CFAP20: variants seen among roughly 807,000 people sequenced by gnomAD.
CFAP20 encodes cilia- and flagella-associated protein 20.
A neutral mutation model predicts 25.5 loss-of-function variants in CFAP20; 14 were observed. The ratio of observed to expected loss-of-function variants is 0.55; its 90% CI spans 0.36 to 0.86. CFAP20 has a LOEUF of 0.86. CFAP20 is among the 40% of genes least tolerant of loss of function. The pLI is 0.01. For missense variants in CFAP20, 181 were observed against 248.0 expected (o/e 0.73, Z 1.81); for synonymous variants, 75 against 91.1 (o/e 0.82, Z 1.01).
chr16:58,121,511 C>CA (rs199855400), intron 1 of CFAP20, among the ~76,000 whole-genome samples: 231 of 151,770 alleles, frequency 1.5e-3, no homozygotes, highest in Non-Finnish European at 2.8e-3. Flanking sequence ...CTTTATTCCT[C>CA]AAAAAAAATA....
chr16:58,122,951 G>A (rs1012383249), intron 1 of CFAP20, among the ~76,000 whole-genome samples: 6 of 152,084 alleles, frequency 3.9e-5, no homozygotes, highest in Non-Finnish European at 8.8e-5. Flanking sequence ...AGACAAAGGC[G>A]TTTTCATGAA....
At position 58,121,804 on chromosome 16, in the gene CFAP20, A is replaced by G. The variant is rs560884815; in HGVS notation, c.85-4853T>C. On this transcript the variant is annotated intron_variant, in intron 1 of 5. Transcript: ENST00000262498. ...TCAGGGAGGTGGGTCAAGCTGAGGG[A>G]AAAAAAAAATACTACTACTGGGATA... 6.0e-5 allele frequency among the ~76,000 whole-genome samples: 9 copies of G among 150,032 alleles called. No homozygotes were observed. The South Asian group carries it at 1.1e-3, about 18-fold the overall frequency.
At chr16:58,125,310 T>C (rs955753582) in intron 1 of CFAP20, among the ~76,000 whole-genome samples, 14 of 152,250 alleles carry the variant, frequency 9.2e-5, no homozygotes, top group Non-Finnish European at 1.9e-4. Flanking sequence ...TGCCTTCTTC[T>C]GAAATATCTC....
chr16:58,128,936 G>T lies in CFAP20; in HGVS notation c.84+96C>A. 6.4e-6 allele frequency: 8 copies of T among 1,244,704 alleles called. No homozygotes were observed. The South Asian group carries it at 1.0e-4, about 16-fold the overall frequency. The allele number at this position is 1,244,704 out of a possible 1,614,324, so 77.1% of individuals were successfully genotyped here. A position where few individuals can be genotyped will look rare whatever the true frequency, so the allele number is the denominator to read the frequency against. ...AGCAGCGTCCTCTCGGCCTCTCCCA[G>T]GCCCCAATTCGACACAACCATTCCC... On this transcript the variant is annotated intron_variant, in intron 1 of 5. Coordinates refer to ENST00000262498, the MANE Select transcript of CFAP20 (RefSeq NM_013242.3).
Position 58,128,902 on chromosome 16 carries a change from A to G in CFAP20, c.84+130T>C, listed in dbSNP as rs991463517. Reference sequence around the variant, plus strand: ...GCGCCCCAGTCCCGCCAGGCTGGGGACAAGGCACAGCAGCGTCCTCTCGGC... The same window carrying G: ...GCGCCCCAGTCCCGCCAGGCTGGGGGCAAGGCACAGCAGCGTCCTCTCGGC... On this transcript the variant is annotated intron_variant, in intron 1 of 5. Transcript: ENST00000262498. 3.3e-5 allele frequency: 22 copies of G among 669,458 alleles called. No individual in the cohort carries two copies. The African/African-American group carries it at 3.8e-4, about 12-fold the overall frequency. 41.5% of individuals were successfully genotyped at this position (669,458 alleles called of 1,614,324 possible).
At chr16:58,122,319 G>A (rs971494092) in intron 1 of CFAP20, among the ~76,000 whole-genome samples, 1 of 152,316 alleles carries the variant, frequency 6.6e-6, no homozygotes. Flanking sequence ...GGTGGCTCAC[G>A]CCTGTAATCC....
chr16:58,121,691 G>GAGAGA (rs1960537323), intron 1 of CFAP20, among the ~76,000 whole-genome samples: 1 of 152,092 alleles, frequency 6.6e-6, no homozygotes, highest in South Asian at 2.1e-4. Context: ...CTTCAGGCCA[G>GAGAGA]TCTTACAATC....
chr16:58,126,330 C>T (rs1960610047), intron 1 of CFAP20, among the ~76,000 whole-genome samples: 1 of 152,172 alleles, frequency 6.6e-6, no homozygotes, highest in Non-Finnish European at 1.5e-5. Flanking sequence ...GGGCTGTGAG[C>T]TTCAGAGAGT....
intron 1 of CFAP20, among the ~76,000 whole-genome samples, chr16:58,126,508 TTCTC>T (rs1258014064): frequency 2.0e-5 from 3 of 151,958 alleles, no homozygotes; most frequent in Non-Finnish European, 4.4e-5. Flanking sequence ...CGAACAGAAA[TTCTC>T]TCTATATATA....
chr16:58,120,850 C>A (rs1181235283), intron 1 of CFAP20, among the ~76,000 whole-genome samples: 2 of 152,186 alleles, frequency 1.3e-5, no homozygotes, highest in Non-Finnish European at 2.9e-5. Context: ...GGTGGTAAGA[C>A]AAACTAAACA....
intron 1 of CFAP20, among the ~76,000 whole-genome samples, chr16:58,126,517 T>C (rs1219895301): frequency 6.6e-6 from 1 of 152,174 alleles, no homozygotes; most frequent in East Asian, 1.9e-4. Context: ...ATTCTCTCTA[T>C]ATATACTCAT....
At chr16:58,117,095 A>G (rs1960467631) in intron 1 of CFAP20, 144 bp from the exon 2 acceptor site, 5 of 671,250 alleles carry the variant, frequency 7.4e-6, no homozygotes, top group Admixed American at 5.2e-5. Flanking sequence ...AAGCCAAGCT[A>G]TTACCTCTAG....
At position 58,114,814 on chromosome 16, in the gene CFAP20, G is replaced by C; in HGVS notation, c.572C>G (p.Ala191Gly). 6.2e-7 allele frequency: 1 copy of C among 1,611,332 alleles called. No individual in the cohort carries two copies. The highest frequency in any genetic ancestry group is 8.5e-7 in the Non-Finnish European group (1 of 1,177,472). ...FKLYLPVQNKAKQ is the reference protein window; with the variant it reads ...FKLYLPVQNKGKQ ...CTCTGGGGAAGACTGGCTTACCTTTGCCTTGTTCTGAACTGGGAGATACAG... is the reference window on the plus strand; with the variant it reads ...CTCTGGGGAAGACTGGCTTACCTTTCCCTTGTTCTGAACTGGGAGATACAG... Residue 191 changes from alanine (A) to glycine (G), a missense_variant, in exon 5 of 6, where the codon GCA becomes GGA. By Grantham distance (60) the Ala-to-Gly change is moderately conservative. Transcript: ENST00000262498.
chr16:58,120,605 T>C (rs893912531), intron 1 of CFAP20, among the ~76,000 whole-genome samples: 1 of 152,258 alleles, frequency 6.6e-6, no homozygotes, highest in Non-Finnish European at 1.5e-5. Flanking sequence ...GGAAGCTGGA[T>C]AGACTGTAGT....
intron 1 of CFAP20, among the ~76,000 whole-genome samples, chr16:58,126,354 G>A (rs181001343): frequency 2.0e-5 from 3 of 152,232 alleles, no homozygotes; most frequent in Non-Finnish European, 2.9e-5. Context: ...ATAAATTGCC[G>A]GTGTGACAAA....
At position 58,129,155 on chromosome 16, in the gene CFAP20, C is replaced by G. The variant is rs1432556915; in HGVS notation, c.-40G>C. 2 of 1,606,868 alleles carry G rather than the reference C, an allele frequency of 1.2e-6. No homozygotes were observed. The highest frequency in any genetic ancestry group is 2.2e-5 in the South Asian group (2 of 90,654). The stretch of plus-strand genomic sequence containing the variant: ...TCTCCTAAGCCGCCCCCGGAGCCGA[C>G]CTAGGCCCCGGAGTAGATACAGGCA... On this transcript the variant is annotated 5_prime_UTR_variant, in exon 1 of 6. Transcript: ENST00000262498.
chr16:58,116,724 G>C (rs887058393), intron 2 of CFAP20, 148 bp downstream of exon 2: 1 of 646,620 alleles, frequency 1.5e-6, no homozygotes, highest in African/African-American at 1.8e-5. Context: ...AGGTCTGGGG[G>C]ATTCAGTAAC....
chr16:58,127,233 C>A (rs1283462549), intron 1 of CFAP20, among the ~76,000 whole-genome samples: 1 of 152,120 alleles, frequency 6.6e-6, no homozygotes, highest in East Asian at 1.9e-4. Context: ...AAAAATAAAA[C>A]ACAGCACACA....
intron 5 of CFAP20, 58 bp from the exon 6 acceptor site, chr16:58,114,088 A>T: frequency 6.4e-7 from 1 of 1,566,394 alleles, no homozygotes; most frequent in Non-Finnish European, 8.8e-7. Context: ...ATAGATGGTC[A>T]GTGTCACAGG....
Sources: allele counts gnomAD v4.1 joint callset (sites outside exome capture counted in the v4.1 genomes callset), GRCh38; gene constraint gnomAD v4.1.1; transcripts MANE v1.5; gene names NCBI Gene and HGNC (gene_info 2026-07-23, HGNC 2026-07-21).